Variants in PUDP observed in about 807,000 individuals in gnomAD.
The protein encoded by PUDP is pseudouridine-5'-phosphatase.
PUDP carries 8 observed loss-of-function variants against 9.4 expected under a neutral mutation model. That is an observed-to-expected ratio of 0.85 (90% CI 0.50 to 1.53). PUDP has a LOEUF of 1.53. Ranked by LOEUF, PUDP falls within the 40% of genes most tolerant of loss-of-function variation. PUDP has a pLI of 0.00. For synonymous variants in PUDP, 99 were observed against 80.7 expected (o/e 1.23, Z -1.22); for missense variants, 188 against 189.7 (o/e 0.99, Z 0.05).
intron 1 of PUDP, among the ~76,000 whole-genome samples, chrX:6,718,979 G>A (rs769357610): frequency 2.7e-5 from 3 of 111,179 alleles, no homozygotes; most frequent in African/African-American, 9.8e-5. Flanking sequence ...GCAGAAGCAC[G>A]AGAGGAGATC....
chrX:6,795,772 G>T (rs1925834351), intron 3 of PUDP, among the ~76,000 whole-genome samples: 1 of 111,492 alleles, frequency 9.0e-6, no homozygotes, highest in African/African-American at 3.3e-5. Context: ...AGAGATACAG[G>T]AAAAACTGCT....
intron 3 of PUDP, among the ~76,000 whole-genome samples, chrX:6,736,281 T>C (rs917769067): frequency 9.0e-6 from 1 of 111,639 alleles, no homozygotes; most frequent in Non-Finnish European, 1.9e-5. Flanking sequence ...ACAATCAATA[T>C]GAAAAATAAA....
At chrX:6,913,551 C>T (rs1022887403) in intron 3 of PUDP, among the ~76,000 whole-genome samples, 1 of 111,557 alleles carries the variant, frequency 9.0e-6, no homozygotes, top group Non-Finnish European at 1.9e-5. Flanking sequence ...ATCTCTTGTA[C>T]AAAAGATGGA....
chrX:6,890,531 C>T (rs1218763629), intron 3 of PUDP, among the ~76,000 whole-genome samples: 1 of 111,150 alleles, frequency 9.0e-6, no homozygotes, highest in African/African-American at 3.3e-5. Context: ...TTGTTTCAAC[C>T]CTCAGACCTA....
At chrX:6,739,316 A>C (rs1230969403) in intron 3 of PUDP, among the ~76,000 whole-genome samples, 1 of 111,853 alleles carries the variant, frequency 8.9e-6, no homozygotes, top group African/African-American at 3.2e-5. Context: ...AGTGACCTAG[A>C]AGCCATCAAG....
At chrX:6,944,835 G>A (rs1327715561) in intron 3 of PUDP, among the ~76,000 whole-genome samples, 1 of 111,230 alleles carries the variant, frequency 9.0e-6, no homozygotes, top group Non-Finnish European at 1.9e-5. Context: ...GGGCCTAGAG[G>A]AAGTCATGCC....
chrX:6,975,537 T>C (rs139701455), intron 3 of PUDP, among the ~76,000 whole-genome samples: 4,327 of 111,103 alleles, frequency 0.039, 219 homozygotes, highest in African/African-American at 0.13. Context: ...GTATCACCAG[T>C]GGAGGCTGCA....
intron 3 of PUDP, among the ~76,000 whole-genome samples, chrX:6,799,962 A>G (rs1402055590): frequency 8.9e-6 from 1 of 112,304 alleles, no homozygotes; most frequent in African/African-American, 3.2e-5. Context: ...TCTTCTTGTT[A>G]GTTTCTCAGG....
intron 1 of PUDP, among the ~76,000 whole-genome samples, chrX:7,025,901 T>C (rs1178688312): frequency 8.9e-6 from 1 of 112,021 alleles, no homozygotes; most frequent in African/African-American, 3.2e-5. Context: ...TTTGTTTAAT[T>C]GTTTTGCATC....
intron 3 of PUDP, among the ~76,000 whole-genome samples, chrX:6,894,945 T>C (rs764402799): frequency 3.1e-4 from 34 of 111,250 alleles, no homozygotes; most frequent in Middle Eastern, 9.2e-3. Context: ...AAAGAGGGTG[T>C]GTTTGGTCTC....
chrX:7,017,209 TC>T (rs916870253), intron 1 of PUDP, among the ~76,000 whole-genome samples: 21 of 112,112 alleles, frequency 1.9e-4, no homozygotes, highest in Admixed American at 5.7e-4. Context: ...GAGCATTTTT[TC>T]TGAAATTAAA....
chrX:6,768,113 T>C (rs1381100764), intron 3 of PUDP, among the ~76,000 whole-genome samples: 2 of 111,919 alleles, frequency 1.8e-5, no homozygotes, highest in Non-Finnish European at 3.8e-5. Context: ...AATGTTGGAA[T>C]TTTAGGTAGC....
chrX:6,916,249 C>CAT (rs1440821475), intron 3 of PUDP, among the ~76,000 whole-genome samples: 1 of 96,528 alleles, frequency 1.0e-5, no homozygotes, highest in Admixed American at 1.2e-4. Flanking sequence ...CACACACACA[C>CAT]CCTGGGGAAC....
intron 3 of PUDP, among the ~76,000 whole-genome samples, chrX:6,901,244 A>G (rs919028643): frequency 2.7e-5 from 3 of 112,117 alleles, no homozygotes; most frequent in Non-Finnish European, 5.6e-5. Flanking sequence ...GATCAGATCA[A>G]ATATAAATCT....
intron 3 of PUDP, among the ~76,000 whole-genome samples, chrX:6,810,373 G>A (rs1926123562): frequency 9.0e-6 from 1 of 111,507 alleles, no homozygotes; most frequent in South Asian, 3.8e-4. Flanking sequence ...TACTTCCCGG[G>A]CTATGACATG....
chrX:6,800,228 T>A (rs1016100158), intron 3 of PUDP, among the ~76,000 whole-genome samples: 1 of 111,968 alleles, frequency 8.9e-6, no homozygotes, highest in African/African-American at 3.2e-5. Context: ...TTTGATATAG[T>A]CCTCCTCAGT....
At chrX:7,061,706 T>C (rs974568096) in intron 3 of PUDP, among the ~76,000 whole-genome samples, 3 of 110,771 alleles carry the variant, frequency 2.7e-5, no homozygotes, top group African/African-American at 9.9e-5. Context: ...ATTCATATAT[T>C]GAAGAATGTG....
At chrX:6,800,977 C>G (rs1438838273) in intron 3 of PUDP, among the ~76,000 whole-genome samples, 2 of 111,533 alleles carry the variant, frequency 1.8e-5, no homozygotes, top group Non-Finnish European at 3.8e-5. Flanking sequence ...ACCTCAAATG[C>G]CACTGCTGCC....
At chrX:6,884,474 AT>A (rs970973403) in intron 3 of PUDP, among the ~76,000 whole-genome samples, 14 of 111,998 alleles carry the variant, frequency 1.3e-4, no homozygotes, top group Non-Finnish European at 2.1e-4. Flanking sequence ...ATCTTTGTGC[AT>A]TCTCACCAAA....
Sources: allele counts gnomAD v4.1 joint callset (sites outside exome capture counted in the v4.1 genomes callset), GRCh38; gene constraint gnomAD v4.1.1; transcripts MANE v1.5; gene names NCBI Gene and HGNC (gene_info 2026-07-23, HGNC 2026-07-21).